TMEM156: variants seen among roughly 807,000 people sequenced by gnomAD.
TMEM156 encodes the protein transmembrane protein 156.
Under a neutral mutation model 30.5 loss-of-function variants are expected in TMEM156, and 28 were observed. The ratio of observed to expected loss-of-function variants is 0.92; its 90% CI spans 0.68 to 1.26. The LOEUF (loss-of-function observed/expected upper bound fraction) is 1.26. Among genes scored for constraint, TMEM156 ranks in the 50% most tolerant of loss-of-function variants. The pLI, the probability that TMEM156 is intolerant of heterozygous loss-of-function variation, is 0.00. For synonymous variants in TMEM156, 137 were observed against 119.9 expected (o/e 1.14, Z -0.93); for missense variants, 351 against 340.6 (o/e 1.03, Z -0.24).
At chr4:39,006,025 A>T (rs565602596) in intron 1 of TMEM156, among the ~76,000 whole-genome samples, 42 of 152,228 alleles carry the variant, frequency 2.8e-4, no homozygotes, top group African/African-American at 8.4e-4. Flanking sequence ...CCTCCTGAGT[A>T]GCTGGGATTA....
At position 39,029,668 on chromosome 4, in the gene TMEM156, C is replaced by T. The variant is rs1406791671; in HGVS notation, c.88+2558G>A. Among the ~76,000 whole-genome samples the T allele has an allele frequency of 2.4e-4, 3 of 12,288 alleles. 1 individual carries two copies. Among genetic ancestry groups the T allele is most frequent in the African/African-American group, 8.5e-4 (1 of 1,180 alleles). The allele number at this position is 12,288 out of a possible 152,430, so 8.1% of individuals were successfully genotyped here. A position where few individuals can be genotyped will look rare whatever the true frequency, so the allele number is the denominator to read the frequency against. On this transcript the variant is annotated intron_variant, in intron 1 of 6. Coordinates refer to ENST00000381938, the MANE Select transcript of TMEM156 (RefSeq NM_024943.3). ...GGCGGAGCTTGCAGTGAGCCGAGATCGCGCCACTGCACTCCAGCCTGGGCG... is the reference window on the plus strand; with the variant it reads ...GGCGGAGCTTGCAGTGAGCCGAGATTGCGCCACTGCACTCCAGCCTGGGCG...
chr4:38,992,743 AT>A (rs1248647054), intron 3 of TMEM156, among the ~76,000 whole-genome samples: 2 of 49,984 alleles, frequency 4.0e-5, no homozygotes, highest in African/African-American at 1.4e-4. Flanking sequence ...ATAATATATA[AT>A]ATATTATATA....
chr4:39,000,737 C>G, intron 1 of TMEM156, among the ~76,000 whole-genome samples: 1 of 151,452 alleles, frequency 6.6e-6, no homozygotes, highest in Admixed American at 6.6e-5. Flanking sequence ...AAATACAAAA[C>G]TTAGCCAGGC....
At chr4:39,000,622 C>T (rs1450036546) in intron 1 of TMEM156, among the ~76,000 whole-genome samples, 2 of 152,174 alleles carry the variant, frequency 1.3e-5, no homozygotes, top group African/African-American at 4.8e-5. Context: ...CGCAGTGGCT[C>T]ATGCCTGTAA....
At chr4:38,995,604 A>G (rs11724236) in intron 2 of TMEM156, among the ~76,000 whole-genome samples, 1 of 151,974 alleles carries the variant, frequency 6.6e-6, no homozygotes, top group Non-Finnish European at 1.5e-5. Context: ...AATCCCAGCT[A>G]CTCCGGAGGC....
intron 1 of TMEM156, among the ~76,000 whole-genome samples, chr4:39,001,567 A>G (rs1713366945): frequency 6.7e-6 from 1 of 149,678 alleles, no homozygotes; most frequent in East Asian, 2.0e-4. Flanking sequence ...AATTACCCCT[A>G]CTCTCAAGTC....
rs1322860320 is a variant in TMEM156 at position 39,013,364 on chromosome 4, A to T, written c.89-14455T>A. On this transcript the variant is annotated intron_variant, in intron 1 of 6. Transcript: ENST00000381938. ...ACAAAGAAAAAAAAAGAGTAGTATG[A>T]CATAATTGGTTTATTTATTTATTTA... Among the ~76,000 whole-genome samples, 3 of 144,928 alleles carry T rather than the reference A, an allele frequency of 2.1e-5. No individual in the cohort carries two copies. In the East Asian group the frequency reaches 6.1e-4, roughly 29 times the overall value.
chr4:38,978,190 T>A (rs1722971873), intron 5 of TMEM156, among the ~76,000 whole-genome samples: 1 of 152,232 alleles, frequency 6.6e-6, no homozygotes, highest in African/African-American at 2.4e-5. Context: ...CCATTTTTTT[T>A]TATTCTCTTA....
intron 4 of TMEM156, among the ~76,000 whole-genome samples, chr4:38,988,049 G>A (rs1003948525): frequency 6.6e-6 from 1 of 152,050 alleles, no homozygotes; most frequent in African/African-American, 2.4e-5. Flanking sequence ...TGATAGGTGG[G>A]TGCCTAGGTC....
intron 1 of TMEM156, among the ~76,000 whole-genome samples, chr4:39,010,048 G>A (rs1714005717): frequency 6.6e-6 from 1 of 152,050 alleles, no homozygotes; most frequent in South Asian, 2.1e-4. Context: ...CAAAGTCTCA[G>A]GATACAAAAT....
At position 39,019,810 on chromosome 4, in the gene TMEM156, G is replaced by A. The variant is rs191874271; in HGVS notation, c.88+12416C>T. Among the ~76,000 whole-genome samples the A allele has an allele frequency of 1.2e-4, 19 of 152,158 alleles. No homozygotes were observed. In the East Asian group the frequency reaches 3.3e-3, roughly 26 times the overall value. On this transcript the variant is annotated intron_variant, in intron 1 of 6. Coordinates refer to ENST00000381938, the MANE Select transcript of TMEM156 (RefSeq NM_024943.3). The stretch of plus-strand genomic sequence containing the variant: ...CATACCATTTTCGTTTGTGTGTGGC[G>A]AGAACATTTACTCTCTTAGCAATTT...
At chr4:38,994,127 A>C (rs1712753697) in intron 2 of TMEM156, 129 bp from the exon 3 acceptor site, 2 of 817,794 alleles carry the variant, frequency 2.4e-6, no homozygotes, top group African/African-American at 1.7e-5. Flanking sequence ...TACACTAAAA[A>C]TATATACATA....
intron 5 of TMEM156, among the ~76,000 whole-genome samples, chr4:38,977,339 T>C (rs566523733): frequency 6.6e-6 from 1 of 152,214 alleles, no homozygotes; most frequent in Non-Finnish European, 1.5e-5. Flanking sequence ...CTGGTGTTTA[T>C]AGCATAAAAT....
At chr4:39,003,419 CT>C (rs1218579037) in intron 1 of TMEM156, among the ~76,000 whole-genome samples, 3 of 152,106 alleles carry the variant, frequency 2.0e-5, no homozygotes, top group African/African-American at 7.2e-5. Context: ...ACTGCAACCT[CT>C]TCCTCCTGGG....
intron 1 of TMEM156, among the ~76,000 whole-genome samples, chr4:39,004,447 T>G (rs1180328457): frequency 6.6e-6 from 1 of 152,144 alleles, no homozygotes; most frequent in Non-Finnish European, 1.5e-5. Context: ...TAATAATAAC[T>G]AAGACCCATG....
intron 1 of TMEM156, among the ~76,000 whole-genome samples, chr4:39,015,027 T>C (rs1714387420): frequency 6.6e-6 from 1 of 152,198 alleles, no homozygotes; most frequent in South Asian, 2.1e-4. Context: ...GAGCTTTCCA[T>C]TGCTTCCTAA....
chr4:39,011,047 G>A (rs1714078584), intron 1 of TMEM156, among the ~76,000 whole-genome samples: 3 of 151,872 alleles, frequency 2.0e-5, no homozygotes, highest in Non-Finnish European at 4.4e-5. Context: ...AATCTATAAG[G>A]AACTGAAACA....
At chr4:38,976,456 CA>C in intron 5 of TMEM156, among the ~76,000 whole-genome samples, 1 of 152,128 alleles carries the variant, frequency 6.6e-6, no homozygotes, top group African/African-American at 2.4e-5. Flanking sequence ...GAATTCTTCC[CA>C]TAACCCGAGT....
intron 4 of TMEM156, 118 bp from the exon 5 acceptor site, chr4:38,986,537 G>T: frequency 1.4e-6 from 1 of 729,858 alleles, no homozygotes; most frequent in Non-Finnish European, 2.3e-6. Context: ...GGCCAGGCAC[G>T]GTGGTTCACG....
Sources: gnomAD v4.1 joint callset for allele counts (sites outside exome capture counted in the v4.1 genomes callset) on GRCh38, gnomAD v4.1.1 for gene constraint, MANE v1.5 for transcripts, NCBI Gene and HGNC (gene_info 2026-07-23, HGNC 2026-07-21) for gene names.